The following NCOA1 variants were observed in gnomAD, a reference collection of about 807,000 sequenced individuals.
NCOA1 encodes Hin-2 protein.
Under a neutral mutation model 150.9 loss-of-function variants are expected in NCOA1, and 35 were observed. The observed-to-expected ratio is 0.23, with a 90% CI of 0.18 to 0.31. NCOA1 has a LOEUF of 0.31. Ranked by LOEUF, NCOA1 falls within the 10% of genes least tolerant of loss-of-function variation. The pLI is 1.00. For missense variants in NCOA1, 1,491 were observed against 1,749.3 expected (o/e 0.85, Z 2.63); for synonymous variants, 590 against 630.0 (o/e 0.94, Z 0.95).
intron 1 of NCOA1, among the ~76,000 whole-genome samples, chr2:24,530,240 A>C (rs1029309284): frequency 6.6e-6 from 1 of 152,240 alleles, no homozygotes; most frequent in Non-Finnish European, 1.5e-5. Flanking sequence ...TTCACTGTTA[A>C]GAGCTAGAGA....
rs528348962 is a variant in NCOA1, at chr2:24,663,003, C to T, written c.90-2746C>T. On this transcript the variant is annotated intron_variant, in intron 5 of 22. Transcript: ENST00000348332. Reference sequence around the variant, plus strand: ...AGAGACAGGGTCTTGTTGTGTTACCCAGGCTGGTCTTGAACTCCTAGCCTC... The same window carrying T: ...AGAGACAGGGTCTTGTTGTGTTACCTAGGCTGGTCTTGAACTCCTAGCCTC... Among the ~76,000 whole-genome samples the T allele has an allele frequency of 7.7e-4, 117 of 151,552 alleles. 1 individual carries two copies. The highest frequency in any genetic ancestry group is 2.7e-3 in the African/African-American group (111 of 41,312).
At position 24,507,364 on chromosome 2, in the gene NCOA1, G is replaced by T. The variant is rs1164838009; in HGVS notation, c.-396+15762G>T. The stretch of plus-strand genomic sequence containing the variant: ...TCCACAAGGTGGTTGTGAGAATTTT[G>T]TGAGTTTACACATACAAAATGCTGA... On this transcript the variant is annotated intron_variant, in intron 1 of 22. Coordinates refer to ENST00000348332, the MANE Select transcript of NCOA1 (RefSeq NM_003743.5). Among the ~76,000 whole-genome samples the T allele has an allele frequency of 4.0e-5, 6 of 150,044 alleles. No individual in the cohort carries two copies. The Admixed American group carries it at 4.0e-4, about 10-fold the overall frequency.
At chr2:24,657,329 C>T (rs55688023) in intron 4 of NCOA1, among the ~76,000 whole-genome samples, 6,548 of 152,076 alleles carry the variant, frequency 0.043, 210 homozygotes, top group African/African-American at 0.095. Context: ...TATTTGGTTC[C>T]AAATGAGGAT....
In NCOA1 at chr2:24,765,695, T is replaced by C. The variant is rs568044366; in HGVS notation, c.4156-2526T>C. Reference sequence around the variant, plus strand: ...AATTATGCCAGAAAATCTTCAGAGGTTGGGACTCAGCTCTCACACCAGTCT... The same window carrying C: ...AATTATGCCAGAAAATCTTCAGAGGCTGGGACTCAGCTCTCACACCAGTCT... On this transcript the variant is annotated intron_variant, in intron 22 of 22. Coordinates refer to ENST00000348332, the MANE Select transcript of NCOA1 (RefSeq NM_003743.5). Among the ~76,000 whole-genome samples the C allele has an allele frequency of 1.1e-4, 17 of 152,206 alleles. No individual in the cohort carries two copies. The South Asian group carries it at 2.7e-3, about 24-fold the overall frequency.
intron 22 of NCOA1, among the ~76,000 whole-genome samples, chr2:24,767,542 C>T (rs1383927337): frequency 6.6e-6 from 1 of 152,168 alleles, no homozygotes; most frequent in African/African-American, 2.4e-5. Flanking sequence ...GGAAAATTCA[C>T]ACTGTTCTCA....
intron 2 of NCOA1, among the ~76,000 whole-genome samples, chr2:24,574,332 T>C (rs1373006475): frequency 6.6e-6 from 1 of 152,156 alleles, no homozygotes; most frequent in Non-Finnish European, 1.5e-5. Context: ...TAATTCTTTT[T>C]AGTTTTCAAG....
At chr2:24,528,832 C>T (rs948319532) in intron 1 of NCOA1, among the ~76,000 whole-genome samples, 6 of 152,238 alleles carry the variant, frequency 3.9e-5, no homozygotes, top group African/African-American at 1.4e-4. Context: ...TTTAAATTTT[C>T]ATTTATTGTC....
chr2:24,592,378 G>A (rs1332066700), intron 3 of NCOA1, among the ~76,000 whole-genome samples: 3 of 151,990 alleles, frequency 2.0e-5, no homozygotes, highest in African/African-American at 7.3e-5. Context: ...TTAGCTTTGG[G>A]GGATCACTCT....
chr2:24,557,421 G>A (rs1666114783), intron 1 of NCOA1, among the ~76,000 whole-genome samples: 1 of 151,874 alleles, frequency 6.6e-6, no homozygotes, highest in Non-Finnish European at 1.5e-5. Context: ...ATAATCTACG[G>A]TGAACAAAGT....
chr2:24,581,712 C>T (rs1326617389), intron 2 of NCOA1, among the ~76,000 whole-genome samples: 1 of 152,058 alleles, frequency 6.6e-6, no homozygotes, highest in Non-Finnish European at 1.5e-5. Context: ...TGCAAAAATC[C>T]TCAATGAAAT....
intron 8 of NCOA1, among the ~76,000 whole-genome samples, chr2:24,687,502 TC>T (rs1276223496): frequency 2.6e-5 from 4 of 152,126 alleles, no homozygotes; most frequent in Non-Finnish European, 4.4e-5. Context: ...ATAAAGAACT[TC>T]CCTGAGACTG....
At chr2:24,525,267 T>C (rs1185945658) in intron 1 of NCOA1, among the ~76,000 whole-genome samples, 1 of 152,156 alleles carries the variant, frequency 6.6e-6, no homozygotes, top group East Asian at 1.9e-4. Flanking sequence ...TTTTCCAAAT[T>C]TGGGGGACTA....
intron 11 of NCOA1, among the ~76,000 whole-genome samples, chr2:24,702,389 C>T (rs1673206563): frequency 1.3e-5 from 2 of 152,086 alleles, no homozygotes; most frequent in Non-Finnish European, 1.5e-5. Flanking sequence ...AAACCTCTAC[C>T]GGCATTGACC....
At chr2:24,700,191 C>G (rs1045473814) in intron 11 of NCOA1, among the ~76,000 whole-genome samples, 3 of 148,422 alleles carry the variant, frequency 2.0e-5, no homozygotes, top group Non-Finnish European at 3.0e-5. Context: ...AGTAATAATG[C>G]TTAAGTTTGA....
chr2:24,558,332 T>C (rs1294000949), intron 1 of NCOA1, among the ~76,000 whole-genome samples: 1 of 152,160 alleles, frequency 6.6e-6, no homozygotes, highest in East Asian at 1.9e-4. Context: ...ACGCTGCTGA[T>C]AAAGACATAC....
At chr2:24,550,053 C>A (rs187804865) in intron 1 of NCOA1, among the ~76,000 whole-genome samples, 330 of 152,300 alleles carry the variant, frequency 2.2e-3, no homozygotes, top group African/African-American at 7.6e-3. Context: ...TTATAGCAAA[C>A]AACTTCCTCC....
chr2:24,658,516 T>C, intron 4 of NCOA1, 145 bp from the exon 5 acceptor site: 1 of 599,944 alleles, frequency 1.7e-6, no homozygotes. Flanking sequence ...TATGTAGATC[T>C]TCATGTTTTT....
chr2:24,659,815 A>C (rs189813772), intron 5 of NCOA1, among the ~76,000 whole-genome samples: 17 of 152,214 alleles, frequency 1.1e-4, no homozygotes, highest in African/African-American at 3.6e-4. Flanking sequence ...CTACACACCA[A>C]ATGTCAGTAG....
At chr2:24,624,588 T>C (rs1669319807) in intron 3 of NCOA1, among the ~76,000 whole-genome samples, 1 of 152,168 alleles carries the variant, frequency 6.6e-6, no homozygotes, top group South Asian at 2.1e-4. Flanking sequence ...GTGAGAAGAG[T>C]CAAGGGAGTT....
Sources: gnomAD v4.1 joint callset for allele counts (sites outside exome capture counted in the v4.1 genomes callset) on GRCh38, gnomAD v4.1.1 for gene constraint, MANE v1.5 for transcripts, NCBI Gene and HGNC (gene_info 2026-07-23, HGNC 2026-07-21) for gene names.